Variants in BSN observed in about 807,000 individuals in gnomAD.
BSN encodes the protein protein bassoon.
BSN carries 57 observed loss-of-function variants against 264.8 expected under a neutral mutation model. The ratio of observed to expected loss-of-function variants is 0.22; its 90% CI spans 0.17 to 0.27. BSN has a LOEUF of 0.27. Ranked by LOEUF, BSN falls within the 10% of genes least tolerant of loss-of-function variation. BSN has a pLI of 1.00. For missense variants in BSN, 4,615 were observed against 5,232.5 expected (o/e 0.88, Z 3.64); for synonymous variants, 2,059 against 2,137.3 (o/e 0.96, Z 1.01).
chr3:49,642,458 G>C lies in BSN; in HGVS notation c.824G>C (p.Gly275Ala). The change falls in exon 3 of 12, where the codon GGG (glycine) becomes GCG (alanine). Residue 275 changes from glycine to alanine, a missense_variant. Gly to Ala is a moderately conservative substitution (Grantham distance 60). Transcript: ENST00000296452. This position sits in a 1 kb window ranked among gnomAD's most constrained non-coding sequence, Gnocchi z 7.0. ...CGGGGCCCAGGAGGACCACAGCCTG[G>C]GTCCCGCCAGGCTGAGACAGCCAGG... ...RSRGPGGPQP[G>A]SRQAETARAT... 1 of 1,587,352 alleles carries C rather than the reference G, an allele frequency of 6.3e-7. No homozygotes were observed. The highest frequency in any genetic ancestry group is 1.1e-5 in the South Asian group (1 of 87,226).
chr3:49,563,568 A>G (rs886818110), intron 1 of BSN, among the ~76,000 whole-genome samples: 3 of 152,160 alleles, frequency 2.0e-5, no homozygotes, highest in African/African-American at 7.2e-5. Context: ...GAATGAAGAG[A>G]TACATGTGGT....
In BSN at chr3:49,653,193, G is replaced by A. The variant is rs1008967374; in HGVS notation, c.3637G>A (p.Gly1213Ser). 3.1e-6 allele frequency: 5 copies of A among 1,610,946 alleles called. No homozygotes were observed. The highest frequency in any genetic ancestry group is 1.3e-5 in the African/African-American group (1 of 74,700). Residue 1213 changes from glycine (G) to serine (S), a missense_variant, in exon 5 of 12, where the codon GGC becomes AGC. Coordinates refer to ENST00000296452, the MANE Select transcript of BSN (RefSeq NM_003458.4). This position sits in a 1 kb window ranked among gnomAD's most constrained non-coding sequence, Gnocchi z 6.3. ...GGCAGCAGGGGCCCGGGGACCCCAT[G>A]GCGGCCCCTCTCAGCCCACAGGCCC... ...GQAAGARGPHGGPSQPTGPRG... is the reference protein window; with the variant it reads ...GQAAGARGPHSGPSQPTGPRG...
chr3:49,566,692 G>A (rs1575424989), intron 1 of BSN, among the ~76,000 whole-genome samples: 1 of 151,614 alleles, frequency 6.6e-6, no homozygotes, highest in South Asian at 2.1e-4. Flanking sequence ...AGGCTGAGGT[G>A]GGAAGATCAC....
At chr3:49,600,280 T>G (rs1045375764) in intron 1 of BSN, among the ~76,000 whole-genome samples, 1 of 151,982 alleles carries the variant, frequency 6.6e-6, no homozygotes, top group Non-Finnish European at 1.5e-5. Flanking sequence ...GGGGAGTGTT[T>G]AGGGAATGGG....
At chr3:49,589,844 G>GT (rs36106925) in intron 1 of BSN, among the ~76,000 whole-genome samples, 41,601 of 125,268 alleles carry the variant, frequency 0.33, 6,767 homozygotes, top group Middle Eastern at 0.36. Context: ...CTTTTTCTTT[G>GT]TTTTTTTTTT....
chr3:49,635,968 C>T (rs1197315831), intron 2 of BSN, among the ~76,000 whole-genome samples: 3 of 149,696 alleles, frequency 2.0e-5, no homozygotes, highest in African/African-American at 7.4e-5. Context: ...CCCTGTCCCC[C>T]TCCAAAAAAA....
At chr3:49,640,838 C>G (rs2052457694) in intron 2 of BSN, 3 of 152,376 alleles carry the variant, frequency 2.0e-5, no homozygotes, top group South Asian at 4.1e-4. Flanking sequence ...AGAGGAGGTC[C>G]TGGTGGGAAA....
At position 49,654,251 on chromosome 3, in the gene BSN, C is replaced by T. The variant is rs1055576573; in HGVS notation, c.4695C>T (p.Ala1565=). 3 of 1,613,344 alleles carry T rather than the reference C, an allele frequency of 1.9e-6. No homozygotes were observed. Among genetic ancestry groups the T allele is most frequent in the Admixed American group, 1.7e-5 (1 of 59,998 alleles). The change falls in exon 5 of 12, where the codon GCC becomes GCT. Residue 1565 remains alanine, a synonymous_variant. Coordinates refer to ENST00000296452, the MANE Select transcript of BSN (RefSeq NM_003458.4). This position sits in a 1 kb window ranked among gnomAD's most constrained non-coding sequence, Gnocchi z 4.1. ...TGGTCATCACGCTGGCATCTGACGC[C>T]TCCAGCCAGACCAGGATGGTACATG... ...PFMVITLASD[A]SSQTRMVHAS...
At chr3:49,575,955 C>T (rs934034223) in intron 1 of BSN, among the ~76,000 whole-genome samples, 21 of 152,036 alleles carry the variant, frequency 1.4e-4, no homozygotes, top group Admixed American at 1.1e-3. Context: ...GAAGAAAGAT[C>T]ATACTAAATG....
At chr3:49,578,653 G>A (rs1273622013) in intron 1 of BSN, among the ~76,000 whole-genome samples, 5 of 151,924 alleles carry the variant, frequency 3.3e-5, no homozygotes, top group African/African-American at 4.8e-5. Context: ...TGATCCACCC[G>A]TGTCGGCCTC....
At chr3:49,643,777 G>A (rs755377208) in intron 3 of BSN, among the ~76,000 whole-genome samples, 1 of 152,214 alleles carries the variant, frequency 6.6e-6, no homozygotes, top group Admixed American at 6.5e-5. Flanking sequence ...AGCTGCTACT[G>A]GGGATGCTCA....
Position 49,601,127 on chromosome 3 carries a change from T to A in BSN, c.225-23848T>A, listed in dbSNP as rs144204592. Among the ~76,000 whole-genome samples the A allele has an allele frequency of 7.2e-5, 11 of 152,288 alleles. No homozygotes were observed. In the East Asian group the frequency reaches 2.1e-3, roughly 29 times the overall value. On this transcript the variant is annotated intron_variant, in intron 1 of 11. Transcript: ENST00000296452. ...TATGGTCAGTGGCCAGTGGTAGATA[T>A]CAGCTCTCTCAGAGAAACCCCTCTA... is the stretch of plus-strand genomic sequence containing the variant.
rs558967155 is a variant in BSN at position 49,593,812 on chromosome 3, T to G, written c.225-31163T>G. Among the ~76,000 whole-genome samples, 199 of 147,308 alleles carry G rather than the reference T, an allele frequency of 1.4e-3. 1 individual carries two copies. The highest frequency in any genetic ancestry group is 3.4e-3 in the Middle Eastern group (1 of 290). ...TGTTTTGTTTTGTTTTTTGTTTTTT[T>G]TTTTTTTTGAGATGGAGTCTCGCTC... On this transcript the variant is annotated intron_variant, in intron 1 of 11. Coordinates refer to ENST00000296452, the MANE Select transcript of BSN (RefSeq NM_003458.4).
chr3:49,628,447 CAGTT>C (rs1378463521), intron 2 of BSN, among the ~76,000 whole-genome samples: 1 of 152,208 alleles, frequency 6.6e-6, no homozygotes, highest in Admixed American at 6.6e-5. Flanking sequence ...GAATCACACA[CAGTT>C]AGCTCCATTT....
intron 1 of BSN, among the ~76,000 whole-genome samples, chr3:49,583,144 T>C (rs1312572270): frequency 6.6e-6 from 1 of 151,938 alleles, no homozygotes; most frequent in Non-Finnish European, 1.5e-5. Context: ...AATTTTTGTA[T>C]TTTTAGTAGA....
rs1225057992 is a variant in BSN, at chr3:49,660,555, G to A, written c.8710G>A (p.Glu2904Lys). 1 of 1,594,326 alleles carries A rather than the reference G, an allele frequency of 6.3e-7. No homozygotes were observed. The highest frequency in any genetic ancestry group is 1.3e-5 in the African/African-American group (1 of 74,516). The change falls in exon 6 of 12, where the codon GAG (glutamate) becomes AAG (lysine). Residue 2904 changes from glutamate (E) to lysine (K), a missense_variant. By Grantham distance (56) the Glu-to-Lys change is moderately conservative (BLOSUM62 1). Around this residue, in one of 3 missense-constraint regions of BSN, gnomAD observed 3,415 missense variants for 3,866.4 expected, o/e 0.88. Transcript: ENST00000296452. This position sits in a 1 kb window ranked among gnomAD's most constrained non-coding sequence, Gnocchi z 7.1. ...KRTLPSPPPE[E>K]AHLPLAGQAS... ...GACACTGCCCAGCCCCCCTCCAGAG[G>A]AGGCTCACCTTCCCCTGGCTGGCCA...
downstream of BSN, chr3:49,671,645 AG>A (rs1275709852): frequency 6.6e-6 from 1 of 152,420 alleles, no homozygotes; most frequent in Non-Finnish European, 1.5e-5. This position sits in a 1 kb window ranked among gnomAD's most constrained non-coding sequence, Gnocchi z 4.1. Context: ...TAAAGGGAAA[AG>A]GATGGACAAA....
chr3:49,570,071 A>G (rs2051784073), intron 1 of BSN, among the ~76,000 whole-genome samples: 1 of 152,210 alleles, frequency 6.6e-6, no homozygotes. Flanking sequence ...AGGCTGTAGC[A>G]CACGAAGCTG....
At chr3:49,616,222 C>G (rs757992035) in intron 1 of BSN, among the ~76,000 whole-genome samples, 2 of 152,212 alleles carry the variant, frequency 1.3e-5, no homozygotes, top group Admixed American at 6.5e-5. Context: ...CCTAAACTTT[C>G]TAGATTCTCA....
Sources: gnomAD v4.1 joint callset for allele counts (sites outside exome capture counted in the v4.1 genomes callset) on GRCh38, gnomAD v4.1.1 for gene constraint, gnomAD v4.1.1 regional missense constraint, Gnocchi (gnomAD v3.1) non-coding constraint, MANE v1.5 for transcripts, NCBI Gene and HGNC (gene_info 2026-07-23, HGNC 2026-07-21) for gene names.